EIF4G3: variants seen among roughly 807,000 people sequenced by gnomAD.
EIF4G3 encodes eIF-4-gamma 3.
EIF4G3 carries 34 observed loss-of-function variants against 186.4 expected under a neutral mutation model. The observed-to-expected ratio is 0.18, with a 90% CI of 0.14 to 0.24. EIF4G3 has a LOEUF of 0.24. Ranked by LOEUF, EIF4G3 falls within the 10% of genes least tolerant of loss-of-function variation. The pLI is 1.00. For missense variants in EIF4G3, 1,536 were observed against 1,948.5 expected, an observed-to-expected ratio of 0.79 and a Z score of 3.99; for synonymous variants, 673 against 679.5, an observed-to-expected ratio of 0.99 and a Z score of 0.15.
Position 20,941,668 on chromosome 1 carries a change from T to C in EIF4G3, c.1486A>G (p.Ser496Gly), listed in dbSNP as rs576890350. 1.9e-6 allele frequency: 3 copies of C among 1,613,740 alleles called. No individual in the cohort carries two copies. Among genetic ancestry groups the C allele is most frequent in the South Asian group, 1.1e-5 (1 of 90,982 alleles). The change falls in exon 14 of 37, where the codon AGT becomes GGT. Residue 496 changes from serine (S) to glycine (G), a missense_variant. Coordinates refer to ENST00000602326, the MANE Select transcript of EIF4G3 (RefSeq NM_001391906.1). ...ACTGTGATGGCAGCACTCGGAGAAC[T>C]AACAGTAGTGGCAGCAGCAGGAACA... ...VIVPAAATTVSSPSAAITVQR... is the reference protein window; with the variant it reads ...VIVPAAATTVGSPSAAITVQR...
At chr1:20,856,680 G>A (rs1256338155) in intron 25 of EIF4G3, among the ~76,000 whole-genome samples, 1 of 152,140 alleles carries the variant, frequency 6.6e-6, no homozygotes, top group Non-Finnish European at 1.5e-5. Flanking sequence ...TTACGCCTTG[G>A]ATAAGGCAAA....
chr1:21,154,587 T>C (rs1339309241), intron 2 of EIF4G3, among the ~76,000 whole-genome samples: 2 of 152,196 alleles, frequency 1.3e-5, no homozygotes, highest in East Asian at 1.9e-4. Flanking sequence ...AAGACTAAAC[T>C]GAAAAACACT....
intron 23 of EIF4G3, among the ~76,000 whole-genome samples, chr1:20,862,003 G>C (rs1014163943): frequency 6.6e-6 from 1 of 151,698 alleles, no homozygotes; most frequent in African/African-American, 2.4e-5. Context: ...AAACAAAATT[G>C]CAATATGGTT....
intron 14 of EIF4G3, among the ~76,000 whole-genome samples, chr1:20,932,304 T>C (rs775411610): frequency 2.7e-3 from 406 of 152,328 alleles, no homozygotes; most frequent in Non-Finnish European, 4.6e-3. Flanking sequence ...TCCAGACCAC[T>C]GAAACTTTCT....
chr1:21,110,540 C>G (rs186427275), intron 2 of EIF4G3, among the ~76,000 whole-genome samples: 1 of 152,276 alleles, frequency 6.6e-6, no homozygotes, highest in East Asian at 1.9e-4. Context: ...GGCAATTCGC[C>G]CACCTCGGCC....
chr1:21,040,001 C>T (rs1309879653), intron 4 of EIF4G3, among the ~76,000 whole-genome samples: 2 of 152,232 alleles, frequency 1.3e-5, no homozygotes, highest in Non-Finnish European at 2.9e-5. Flanking sequence ...GACACCACCA[C>T]AGTGATATTA....
intron 2 of EIF4G3, among the ~76,000 whole-genome samples, chr1:21,151,575 G>A (rs1054753053): frequency 1.3e-5 from 2 of 151,980 alleles, no homozygotes; most frequent in Non-Finnish European, 2.9e-5. Flanking sequence ...TATATAGTCT[G>A]TAATTTGCCC....
chr1:21,095,260 T>C (rs956662648), intron 2 of EIF4G3, among the ~76,000 whole-genome samples: 1 of 152,236 alleles, frequency 6.6e-6, no homozygotes, highest in African/African-American at 2.4e-5. Context: ...CTTGGAATTT[T>C]AGAATTGCAA....
At chr1:21,032,338 T>A (rs2092815018) in intron 4 of EIF4G3, among the ~76,000 whole-genome samples, 1 of 152,134 alleles carries the variant, frequency 6.6e-6, no homozygotes, top group Non-Finnish European at 1.5e-5. Context: ...ATCTAATAAA[T>A]TAAAAAATGT....
chr1:20,830,559 C>A (rs951616524), intron 30 of EIF4G3, among the ~76,000 whole-genome samples: 4 of 152,196 alleles, frequency 2.6e-5, no homozygotes, highest in Admixed American at 1.3e-4. Flanking sequence ...ACCACCTGAT[C>A]CTGCCAACTC....
At chr1:21,130,802 G>A (rs1230464133) in intron 2 of EIF4G3, among the ~76,000 whole-genome samples, 1 of 152,098 alleles carries the variant, frequency 6.6e-6, no homozygotes, top group Non-Finnish European at 1.5e-5. Flanking sequence ...AGTGAAAAAG[G>A]AGACAACATA....
intron 4 of EIF4G3, among the ~76,000 whole-genome samples, chr1:21,004,153 T>C (rs2084382458): frequency 6.6e-6 from 1 of 152,234 alleles, no homozygotes; most frequent in Admixed American, 6.5e-5. Flanking sequence ...TTAACTGTTA[T>C]ATATTGCTGT....
intron 2 of EIF4G3, among the ~76,000 whole-genome samples, chr1:21,167,317 T>A (rs910461821): frequency 2.0e-5 from 3 of 152,192 alleles, no homozygotes; most frequent in African/African-American, 4.8e-5. Flanking sequence ...CCCGCATGAA[T>A]CCCTGTGGTC....
At position 20,941,632 on chromosome 1, in the gene EIF4G3, G is replaced by C. The variant is rs776415992; in HGVS notation, c.1522C>G (p.Leu508Val). 1.4e-5 allele frequency: 23 copies of C among 1,613,944 alleles called. No homozygotes were observed. Among genetic ancestry groups the C allele is most frequent in the Non-Finnish European group, 1.9e-5 (23 of 1,180,008 alleles). The stretch of plus-strand genomic sequence containing the variant: ...GTTCTTATGCTCTCGTCCTCCTCTA[G>C]GACTCTCTGGACTGTGATGGCAGCA... ...PSAAITVQRV[L>V]EEDESIRTCL... Residue 508 changes from leucine (L) to valine (V), a missense_variant, in exon 14 of 37, where the codon CTA becomes GTA. By Grantham distance (32) the Leu-to-Val change is conservative. This residue lies in a region of EIF4G3 where 560 missense variants were observed against 547.8 expected (regional missense o/e 1.02). Transcript: ENST00000602326.
In EIF4G3 at chr1:20,864,674, T is replaced by C; in HGVS notation, c.2808A>G (p.Glu936=). The C allele has an allele frequency of 6.2e-7, 1 of 1,614,190 alleles. No homozygotes were observed. The highest frequency in any genetic ancestry group is 1.1e-5 in the South Asian group (1 of 91,080). The change falls in exon 22 of 37, where the codon GAA becomes GAG. Residue 936 remains glutamate, a synonymous_variant. Coordinates refer to ENST00000602326, the MANE Select transcript of EIF4G3 (RefSeq NM_001391906.1). The part of the protein sequence containing the change: ...ERTRLHDELE[E]AKDKARRRSI... ...ATCTCCGCCGGGCTTTGTCCTTGGCTTCTTCCAGTTCATCATGAAGCCTTG... is the reference window on the plus strand; with the variant it reads ...ATCTCCGCCGGGCTTTGTCCTTGGCCTCTTCCAGTTCATCATGAAGCCTTG...
At chr1:20,971,929 G>A (rs550808520) in intron 11 of EIF4G3, among the ~76,000 whole-genome samples, 3 of 152,202 alleles carry the variant, frequency 2.0e-5, no homozygotes, top group South Asian at 4.2e-4. Flanking sequence ...CACTGTACCC[G>A]GCCTGAACCT....
chr1:21,034,140 G>A (rs1277291570), intron 4 of EIF4G3, among the ~76,000 whole-genome samples: 1 of 152,154 alleles, frequency 6.6e-6, no homozygotes, highest in African/African-American at 2.4e-5. Context: ...CAGTTCAATT[G>A]TTGGGCTGTA....
chr1:20,847,490 C>G (rs891959615), intron 29 of EIF4G3, among the ~76,000 whole-genome samples: 1 of 152,284 alleles, frequency 6.6e-6, no homozygotes. Flanking sequence ...ATCACAGGAT[C>G]ATATTTTTCC....
intron 14 of EIF4G3, among the ~76,000 whole-genome samples, chr1:20,909,169 A>C (rs2092777672): frequency 6.6e-6 from 1 of 152,086 alleles, no homozygotes. Context: ...AAAAAAGAAT[A>C]TGGAGAAAAA....
Sources: allele counts gnomAD v4.1 joint callset (sites outside exome capture counted in the v4.1 genomes callset), GRCh38; gene constraint gnomAD v4.1.1; regional missense constraint gnomAD v4.1.1; transcripts MANE v1.5; gene names NCBI Gene and HGNC (gene_info 2026-07-23, HGNC 2026-07-21).